SAMD9: variants seen among roughly 807,000 people sequenced by gnomAD.
SAMD9 encodes sterile alpha motif domain-containing protein 9.
In SAMD9, 3 loss-of-function variants were observed where a neutral mutation model predicts 1.5. The observed-to-expected ratio is 2.05, with a 90% CI of 0.93 to 5.29. The LOEUF is 5.29. Ranked by LOEUF, SAMD9 falls within the 30% of genes most tolerant of loss-of-function variation. The probability of loss-of-function intolerance (pLI) is 0.02; values close to 1 mark genes in which losing one functional copy is unlikely to be tolerated. For missense variants in SAMD9, 1,597 were observed against 1,820.8 expected (o/e 0.88, Z 2.24); for synonymous variants, 635 against 631.9 (o/e 1.00, Z -0.07).
At chr7:93,113,875 G>C (rs1395982104) in intron 2 of SAMD9, among the ~76,000 whole-genome samples, 3 of 152,192 alleles carry the variant, frequency 2.0e-5, no homozygotes, top group Non-Finnish European at 4.4e-5. Context: ...TTCAACCATT[G>C]TGGAAGACAA....
intron 2 of SAMD9, among the ~76,000 whole-genome samples, chr7:93,110,839 T>C (rs1185950238): frequency 2.0e-5 from 3 of 152,104 alleles, no homozygotes; most frequent in Non-Finnish European, 4.4e-5. Context: ...AGACTTAGAC[T>C]CCCACACAAT....
Position 93,103,100 on chromosome 7 carries a change from A to G in SAMD9, c.2998T>C (p.Tyr1000His). Residue 1000 changes from tyrosine to histidine, a missense_variant, in exon 3 of 3, where the codon TAT (tyrosine) becomes CAT (histidine). Physicochemically the swap from Tyr to His is moderately conservative, Grantham distance 83. Transcript: ENST00000379958. Reference protein sequence around the residue: ...EFSLEELKKSYHLNKSQIMLD... With the variant: ...EFSLEELKKSHHLNKSQIMLD... The stretch of plus-strand genomic sequence containing the variant: ...ATAATTTGACTTTTATTCAGGTGAT[A>G]GCTTTTCTTCAATTCTTCCAGTGAG... The G allele has an allele frequency of 1.2e-5, 20 of 1,613,808 alleles. No individual in the cohort carries two copies. Among genetic ancestry groups the G allele is most frequent in the Non-Finnish European group, 1.5e-5 (18 of 1,179,756 alleles).
chr7:93,102,799 C>T lies in SAMD9; in HGVS notation c.3299G>A (p.Gly1100Asp). ...RHFYIKKKDF[G>D]NALNWAKQAK... ...TTGTTTTGCCCAGTTTAGAGCATTG[C>T]CAAAGTCCTTCTTTTTAATGTAGAA... is the stretch of plus-strand genomic sequence containing the variant. The change falls in exon 3 of 3, where the codon GGC (glycine) becomes GAC (aspartate). Residue 1100 changes from glycine (G) to aspartate (D), a missense_variant. By Grantham distance (94) the Gly-to-Asp change is moderately conservative. Coordinates refer to ENST00000379958, the MANE Select transcript of SAMD9 (RefSeq NM_017654.4). 1 of 1,613,842 alleles carries T rather than the reference C, an allele frequency of 6.2e-7. No homozygotes were observed. Among genetic ancestry groups the T allele is most frequent in the Non-Finnish European group, 8.5e-7 (1 of 1,179,782 alleles).
intron 2 of SAMD9, among the ~76,000 whole-genome samples, chr7:93,109,914 C>G (rs901338293): frequency 6.6e-5 from 10 of 152,200 alleles, no homozygotes; most frequent in Non-Finnish European, 1.3e-4. Context: ...CTTCCCCAAC[C>G]TAGCAAGGGA....
rs987297335 is a variant in SAMD9 at position 93,099,878 on chromosome 7, A to G, written c.*1450T>C. On this transcript the variant is annotated 3_prime_UTR_variant, in exon 3 of 3. Transcript: ENST00000379958. ...TAGATCATGTCATTTATTTACAAAT[A>G]CTTTAGTATGTATCTCTAAAAGGCA... 1 of 152,184 alleles carries G rather than the reference A, an allele frequency of 6.6e-6. No homozygotes were observed. Among genetic ancestry groups the G allele is most frequent in the African/African-American group, 2.4e-5 (1 of 41,446 alleles). 9.4% of individuals were successfully genotyped at this position (152,184 alleles called of 1,614,324 possible).
At chr7:93,113,982 A>G (rs981490957) in intron 2 of SAMD9, among the ~76,000 whole-genome samples, 1 of 152,190 alleles carries the variant, frequency 6.6e-6, no homozygotes, top group African/African-American at 2.4e-5. Context: ...TCATGCTGCT[A>G]TAAAGACACA....
chr7:93,112,139 G>A (rs1027370144), intron 2 of SAMD9, among the ~76,000 whole-genome samples: 6 of 152,164 alleles, frequency 3.9e-5, no homozygotes, highest in African/African-American at 1.4e-4. Flanking sequence ...TGGGATGCAA[G>A]GCTGGTTCAA....
chr7:93,105,327 C>T lies in SAMD9; in HGVS notation c.771G>A (p.Lys257=). 1 of 1,613,874 alleles carries T rather than the reference C, an allele frequency of 6.2e-7. No homozygotes were observed. The highest frequency in any genetic ancestry group is 8.5e-7 in the Non-Finnish European group (1 of 1,179,956). ...IVGIKVTNDT[K]EALINHFNLM... is the part of the protein sequence containing the mutation. ...GATTGAAATGGTTAATGAGGGCTTC[C>T]TTGGTATCATTGGTGACTTTGATGC... Residue 257 remains lysine (K), a synonymous_variant, in exon 3 of 3, where the codon AAG becomes AAA. Coordinates refer to ENST00000379958, the MANE Select transcript of SAMD9 (RefSeq NM_017654.4).
At position 93,116,162 on chromosome 7, in the gene SAMD9, T is replaced by G. The variant is rs563548550; in HGVS notation, c.-109-1267A>C. Among the ~76,000 whole-genome samples the G allele has an allele frequency of 4.7e-4, 71 of 152,320 alleles. 2 individuals carry two copies. Among genetic ancestry groups the G allele is most frequent in the Middle Eastern group, 3.4e-3 (1 of 294 alleles). ...TTTTCCTAGGGTCTCCCTGACTTCC[T>G]TCATCAACTTGGACCTTTCACAGTT... On this transcript the variant is annotated intron_variant, in intron 1 of 2. Coordinates refer to ENST00000379958, the MANE Select transcript of SAMD9 (RefSeq NM_017654.4).
At chr7:93,109,113 G>A (rs928627800) in intron 2 of SAMD9, among the ~76,000 whole-genome samples, 1 of 152,130 alleles carries the variant, frequency 6.6e-6, no homozygotes, top group African/African-American at 2.4e-5. Flanking sequence ...TCCAGAGGAA[G>A]GATCACACAG....
At chr7:93,112,908 C>T (rs1791770509) in intron 2 of SAMD9, among the ~76,000 whole-genome samples, 2 of 152,154 alleles carry the variant, frequency 1.3e-5, no homozygotes, top group South Asian at 4.1e-4. Flanking sequence ...AATGCCATCC[C>T]CATCAAGCTA....
Position 93,104,201 on chromosome 7 carries a change from G to T in SAMD9, c.1897C>A (p.Pro633Thr), listed in dbSNP as rs1331951205. 2 of 1,613,804 alleles carry T rather than the reference G, an allele frequency of 1.2e-6. No homozygotes were observed. The highest frequency in any genetic ancestry group is 1.7e-6 in the Non-Finnish European group (2 of 1,179,774). ...AGGACAGTCGATAAACCAATAGATG[G>T]CAAAAGCCTTTTTGAAGATTGAGTC... The part of the protein sequence containing the change: ...SVTQSSKRLL[P>T]SIGLSTVLLK... Residue 633 changes from proline to threonine, a missense_variant, in exon 3 of 3, where the codon CCA becomes ACA. Physicochemically the swap from Pro to Thr is conservative, Grantham distance 38. Transcript: ENST00000379958.
rs565391532 is a variant in SAMD9, at chr7:93,116,305, A to C, written c.-109-1410T>G. ...ACATACCATTATATGTGAAAACGTA[A>C]AGTCAGGTTCTCATATAAGAGTGTG... On this transcript the variant is annotated intron_variant, in intron 1 of 2. Transcript: ENST00000379958. 5.3e-5 allele frequency among the ~76,000 whole-genome samples: 8 copies of C among 152,362 alleles called. 1 individual carries two copies. In the South Asian group the frequency reaches 1.7e-3, roughly 32 times the overall value.
At chr7:93,114,140 T>C (rs1791793982) in intron 2 of SAMD9, among the ~76,000 whole-genome samples, 1 of 152,114 alleles carries the variant, frequency 6.6e-6, no homozygotes, top group South Asian at 2.1e-4. Flanking sequence ...TGAGTTCATG[T>C]CCTTTGTAGG....
In SAMD9 at chr7:93,103,342, G is replaced by A. The variant is rs748338739; in HGVS notation, c.2756C>T (p.Ser919Phe). 4.7e-5 allele frequency: 76 copies of A among 1,613,428 alleles called. No homozygotes were observed. The highest frequency in any genetic ancestry group is 6.4e-5 in the Non-Finnish European group (76 of 1,179,616). The change falls in exon 3 of 3, where the codon TCT becomes TTT. Residue 919 changes from serine (S) to phenylalanine (F), a missense_variant. By Grantham distance (155) the Ser-to-Phe change is radical. Around this residue, in one of 6 missense-constraint regions of SAMD9, gnomAD observed 682 missense variants for 810.0 expected, o/e 0.84. Coordinates refer to ENST00000379958, the MANE Select transcript of SAMD9 (RefSeq NM_017654.4). ...NIFTKEAKLF[S>F]FLALLNSYVP... Reference sequence around the variant, plus strand: ...ATATGAATTAAGAAGAGCCAGAAAAGAAAAGAGCTTTGCTTCCTTGGTGAA... The same window carrying A: ...ATATGAATTAAGAAGAGCCAGAAAAAAAAAGAGCTTTGCTTCCTTGGTGAA...
At chr7:93,108,718 G>C (rs1266576243) in intron 2 of SAMD9, among the ~76,000 whole-genome samples, 2 of 152,206 alleles carry the variant, frequency 1.3e-5, no homozygotes, top group African/African-American at 4.8e-5. Context: ...ACAGCAGTCT[G>C]AGATTGAACT....
Position 93,103,592 on chromosome 7 carries a change from T to A in SAMD9, c.2506A>T (p.Met836Leu). 6.2e-7 allele frequency: 1 copy of A among 1,613,500 alleles called. No homozygotes were observed. Among genetic ancestry groups the A allele is most frequent in the Non-Finnish European group, 8.5e-7 (1 of 1,179,592 alleles). Reference sequence around the variant, plus strand: ...CTTTTTTCAGGATTTTGTGATCTCATACAATTTAGGATAATCACCAGAGGT... The same window carrying A: ...CTTTTTTCAGGATTTTGTGATCTCAAACAATTTAGGATAATCACCAGAGGT... ...EKPLVIILNC[M>L]RSQNPEKSAR... is the part of the protein sequence containing the mutation. Residue 836 changes from methionine (M) to leucine (L), a missense_variant, in exon 3 of 3, where the codon ATG becomes TTG. By Grantham distance (15) the Met-to-Leu change is conservative. This residue lies in a region of SAMD9 where 55 missense variants were observed against 58.6 expected (regional missense o/e 0.94). Coordinates refer to ENST00000379958, the MANE Select transcript of SAMD9 (RefSeq NM_017654.4).
chr7:93,101,594 A>G lies in SAMD9; in HGVS notation c.4504T>C (p.Phe1502Leu). The change falls in exon 3 of 3, where the codon TTT becomes CTT. Residue 1502 changes from phenylalanine to leucine, a missense_variant. Physicochemically the swap from Phe to Leu is conservative, Grantham distance 22. Around this residue, in one of 6 missense-constraint regions of SAMD9, gnomAD observed 682 missense variants for 810.0 expected, o/e 0.84. Coordinates refer to ENST00000379958, the MANE Select transcript of SAMD9 (RefSeq NM_017654.4). ...LVHKGKIDQC[F>L]KKTPDINSLW... ...GAATTAATATCTGGTGTCTTCTTAA[A>G]GCACTGGTCAATTTTTCCTTTGTGA... The G allele has an allele frequency of 6.2e-7, 1 of 1,613,896 alleles. No individual in the cohort carries two copies. The highest frequency in any genetic ancestry group is 8.5e-7 in the Non-Finnish European group (1 of 1,179,816).
intron 2 of SAMD9, among the ~76,000 whole-genome samples, chr7:93,107,775 C>T (rs7785869): frequency 0.12 from 17,703 of 152,008 alleles, 1,081 homozygotes; most frequent in Middle Eastern, 0.16. Flanking sequence ...TATGTAACTA[C>T]GGTATACATA....
Sources: gnomAD v4.1 joint callset for allele counts (sites outside exome capture counted in the v4.1 genomes callset) on GRCh38, gnomAD v4.1.1 for gene constraint, gnomAD v4.1.1 regional missense constraint, MANE v1.5 for transcripts, NCBI Gene and HGNC (gene_info 2026-07-23, HGNC 2026-07-21) for gene names.